OSBPL10: variants seen among roughly 807,000 people sequenced by gnomAD.
OSBPL10 encodes the protein oxysterol binding protein like 10.
In OSBPL10, 49 loss-of-function variants were observed where a neutral mutation model predicts 81.7. The ratio of observed to expected loss-of-function variants is 0.60; its 90% confidence interval spans 0.48 to 0.76. The LOEUF (loss-of-function observed/expected upper bound fraction) is 0.76. OSBPL10 is among the 30% of genes least tolerant of loss of function. OSBPL10 has a pLI of 0.00. For synonymous variants in OSBPL10, 419 were observed against 383.6 expected (o/e 1.09, Z -1.08); for missense variants, 923 against 987.8 (o/e 0.93, Z 0.88).
At chr3:31,708,792 A>G in intron 6 of OSBPL10, 1 of 985,454 alleles carries the variant, frequency 1.0e-6, no homozygotes, top group Non-Finnish European at 1.2e-6. Flanking sequence ...ATTCTCCAAA[A>G]GTAGGCCATC....
chr3:31,860,310 T>C (rs1701027280), intron 3 of OSBPL10, among the ~76,000 whole-genome samples: 1 of 152,198 alleles, frequency 6.6e-6, no homozygotes, highest in Non-Finnish European at 1.5e-5. Flanking sequence ...TGTATTTTAC[T>C]TGCCCCCAGG....
intron 3 of OSBPL10, among the ~76,000 whole-genome samples, chr3:31,846,624 C>A (rs1201956669): frequency 8.4e-6 from 1 of 119,240 alleles, no homozygotes; most frequent in Non-Finnish European, 1.7e-5. Flanking sequence ...AAGAGCAAAA[C>A]TCCATCTCAA....
intron 3 of OSBPL10, among the ~76,000 whole-genome samples, chr3:31,862,647 G>C (rs1046734283): frequency 2.0e-5 from 3 of 152,102 alleles, no homozygotes; most frequent in South Asian, 2.1e-4. Context: ...TTTCTCCGAA[G>C]AGTATATATG....
chr3:31,747,157 A>T (rs1382637310), intron 5 of OSBPL10, among the ~76,000 whole-genome samples: 1 of 152,068 alleles, frequency 6.6e-6, no homozygotes, highest in African/African-American at 2.4e-5. Context: ...TAACATGGTG[A>T]AACCCCGTCT....
intron 1 of OSBPL10, among the ~76,000 whole-genome samples, chr3:31,964,426 G>C (rs1027672380): frequency 2.2e-4 from 34 of 151,910 alleles, no homozygotes; most frequent in African/African-American, 7.7e-4. Flanking sequence ...CATAGTGATG[G>C]GATTACAGGC....
Position 31,789,124 on chromosome 3 carries a change from G to A in OSBPL10, c.729+40916C>T, listed in dbSNP as rs772748537. ...CTCCTAAGTCACAGCGATTACAGGC[G>A]CATGCCACCACGCCCAGCTAATTAT... On this transcript the variant is annotated intron_variant, in intron 4 of 11. Transcript: ENST00000396556. 7.9e-5 allele frequency among the ~76,000 whole-genome samples: 12 copies of A among 152,266 alleles called. No homozygotes were observed. In the East Asian group the frequency reaches 1.5e-3, roughly 20 times the overall value.
At chr3:31,869,517 T>C (rs920971194) in intron 3 of OSBPL10, among the ~76,000 whole-genome samples, 2 of 152,196 alleles carry the variant, frequency 1.3e-5, no homozygotes, top group East Asian at 1.9e-4. Flanking sequence ...AGAATCAATT[T>C]AGAAGATTGA....
Position 31,683,916 on chromosome 3 carries a change from T to G in OSBPL10, c.1444A>C (p.Ile482Leu). 1.3e-5 allele frequency: 21 copies of G among 1,614,236 alleles called. No homozygotes were observed. Among genetic ancestry groups the G allele is most frequent in the Non-Finnish European group, 1.8e-5 (21 of 1,180,050 alleles). ...GAGCAGTGAAATGTCTCGCCTATGA[T>G]GGGGTTGTAGGGCTTCTTGGCTAAA... ...GALAKKPYNP[I>L]IGETFHCSWE... is the part of the protein sequence containing the mutation. The change falls in exon 8 of 12, where the codon ATC (isoleucine) becomes CTC (leucine). Residue 482 changes from isoleucine to leucine, a missense_variant. By Grantham distance (5) the Ile-to-Leu change is conservative (BLOSUM62 2). This residue lies in a region of OSBPL10 where 387 missense variants were observed against 436.3 expected (regional missense o/e 0.89). Transcript: ENST00000396556.
In OSBPL10 at chr3:31,899,343, A is replaced by T. The variant is rs75776944; in HGVS notation, c.282-19513T>A. 9.0e-3 allele frequency among the ~76,000 whole-genome samples: 1,371 copies of T among 152,310 alleles called. 21 individuals are homozygous for T. Among genetic ancestry groups the T allele is most frequent in the African/African-American group, 0.03 (1,236 of 41,568 alleles). ...CAAAAGAGTAAGAAGAAAAAAATAG[A>T]ATATAAACAAAAGAATAAAAATGCA... On this transcript the variant is annotated intron_variant, in intron 1 of 11. Transcript: ENST00000396556.
At chr3:31,803,822 T>C (rs1184858183) in intron 4 of OSBPL10, among the ~76,000 whole-genome samples, 1 of 152,218 alleles carries the variant, frequency 6.6e-6, no homozygotes, top group Non-Finnish European at 1.5e-5. Context: ...TGTGCACTTT[T>C]GGTAAGAATA....
intron 4 of OSBPL10, among the ~76,000 whole-genome samples, chr3:31,782,204 C>A (rs1698713674): frequency 6.6e-6 from 1 of 152,096 alleles, no homozygotes; most frequent in Non-Finnish European, 1.5e-5. Context: ...TCCTATTCAA[C>A]AAATGGTGAT....
rs1699726920 is a variant in OSBPL10, at chr3:31,812,763, AAAG to A, written c.729+17274_729+17276del. 1.1e-4 allele frequency among the ~76,000 whole-genome samples: 5 copies of A among 47,202 alleles called. 1 individual carries two copies. The East Asian group carries it at 4.0e-3, about 38-fold the overall frequency. The allele number at this position is 47,202 out of a possible 152,430, so 31.0% of individuals were successfully genotyped here. A position where few individuals can be genotyped will look rare whatever the true frequency, so the allele number is the denominator to read the frequency against. The stretch of plus-strand genomic sequence containing the variant: ...GAAAGAAAGAAAGAAAGAAAGAAAG[AAAG>A]AAAGAAAGAAAGAAAGAAAGAAAGA... On this transcript the variant is annotated intron_variant, in intron 4 of 11. Transcript: ENST00000396556.
chr3:31,978,218 A>G (rs1698737336), intron 1 of OSBPL10, among the ~76,000 whole-genome samples: 1 of 152,098 alleles, frequency 6.6e-6, no homozygotes, highest in South Asian at 2.1e-4. Context: ...GTTGCTATAG[A>G]TTTGTCATTA....
chr3:31,972,689 G>A (rs1698599314), intron 1 of OSBPL10, among the ~76,000 whole-genome samples: 1 of 152,156 alleles, frequency 6.6e-6, no homozygotes, highest in African/African-American at 2.4e-5. Flanking sequence ...AGCCTGCACA[G>A]GCCACAAGGC....
chr3:31,668,344 G>A (rs757636526), intron 10 of OSBPL10, among the ~76,000 whole-genome samples: 74 of 151,856 alleles, frequency 4.9e-4, no homozygotes, highest in African/African-American at 1.7e-3. Flanking sequence ...ATCAACTCTC[G>A]GTATTTACCT....
chr3:31,902,002 C>T (rs1696256620), intron 1 of OSBPL10, among the ~76,000 whole-genome samples: 2 of 152,116 alleles, frequency 1.3e-5, no homozygotes, highest in African/African-American at 4.8e-5. Flanking sequence ...TGCACTCCAG[C>T]CTGGGCAACA....
At chr3:31,876,023 C>T (rs986345306) in intron 3 of OSBPL10, among the ~76,000 whole-genome samples, 1 of 152,018 alleles carries the variant, frequency 6.6e-6, no homozygotes, top group African/African-American at 2.4e-5. Flanking sequence ...AATGCAGAAG[C>T]TCCTTGCAAA....
intron 3 of OSBPL10, among the ~76,000 whole-genome samples, chr3:31,834,498 G>A (rs1176045023): frequency 1.3e-5 from 2 of 152,198 alleles, no homozygotes; most frequent in African/African-American, 4.8e-5. Context: ...AAGTGCTGAT[G>A]CTCAGAGCCT....
intron 1 of OSBPL10, among the ~76,000 whole-genome samples, chr3:31,931,329 T>G (rs1697243788): frequency 6.6e-6 from 1 of 152,154 alleles, no homozygotes; most frequent in African/African-American, 2.4e-5. Context: ...ATTCTGATGA[T>G]TCTCTCTAAA....
Sources: gnomAD v4.1 joint callset for allele counts (sites outside exome capture counted in the v4.1 genomes callset) on GRCh38, gnomAD v4.1.1 for gene constraint, gnomAD v4.1.1 regional missense constraint, MANE v1.5 for transcripts, NCBI Gene and HGNC (gene_info 2026-07-23, HGNC 2026-07-21) for gene names.